SSU72: variants seen among roughly 807,000 people sequenced by gnomAD.
SSU72 encodes the protein RNA polymerase II subunit A C-terminal domain phosphatase SSU72.
In SSU72, 12 loss-of-function variants were observed where a neutral mutation model predicts 22.7. The ratio of observed to expected loss-of-function variants is 0.53; its 90% CI spans 0.34 to 0.86. The LOEUF (loss-of-function observed/expected upper bound fraction) is 0.86. Among genes scored for constraint, SSU72 ranks in the 40% least tolerant of loss-of-function variants. SSU72 has a pLI of 0.02. For synonymous variants in SSU72, 116 were observed against 98.3 expected (o/e 1.18, Z -1.06); for missense variants, 151 against 249.8 (o/e 0.60, Z 2.67).
At chr1:1,558,495 C>G (rs1489234626) in intron 2 of SSU72, among the ~76,000 whole-genome samples, 1 of 152,168 alleles carries the variant, frequency 6.6e-6, no homozygotes, top group Admixed American at 6.5e-5. Context: ...AGCTGCACGG[C>G]CAGACGAGAC....
chr1:1,574,816 G>C lies in SSU72; in HGVS notation c.-259C>G, dbSNP rs528218908. 1.1e-4 allele frequency: 25 copies of C among 227,004 alleles called. No individual in the cohort carries two copies. The highest frequency in any genetic ancestry group is 2.0e-4 in the Non-Finnish European group (23 of 113,292). 14.1% of individuals were successfully genotyped at this position (227,004 alleles called of 1,614,324 possible). On this transcript the variant is annotated 5_prime_UTR_variant, in exon 1 of 5. Transcript: ENST00000291386. ...GCGGCCAACGCCGCGCCGGCCCCCG[G>C]CGTCCGCAGCAGAGACCCGCACTCC...
chr1:1,565,411 C>T (rs992364963), intron 1 of SSU72, among the ~76,000 whole-genome samples: 10 of 152,210 alleles, frequency 6.6e-5, no homozygotes, highest in Non-Finnish European at 1.3e-4. Context: ...CACAAAGCCA[C>T]ATCTGAACAT....
intron 1 of SSU72, among the ~76,000 whole-genome samples, chr1:1,567,448 G>T (rs1049898150): frequency 1.3e-5 from 2 of 152,148 alleles, no homozygotes; most frequent in African/African-American, 4.8e-5. Flanking sequence ...TGAAATAAAC[G>T]TGAAAATGCT....
At chr1:1,556,155 A>G (rs1407256030) in intron 2 of SSU72, among the ~76,000 whole-genome samples, 2 of 150,902 alleles carry the variant, frequency 1.3e-5, no homozygotes, top group African/African-American at 4.9e-5. Context: ...AAGTTTGGCC[A>G]GGCACGGTGG....
At chr1:1,560,014 C>T (rs1376349197) in intron 2 of SSU72, among the ~76,000 whole-genome samples, 1 of 152,142 alleles carries the variant, frequency 6.6e-6, no homozygotes, top group Non-Finnish European at 1.5e-5. Flanking sequence ...CATGTGCCAC[C>T]ATGCCTAGCG....
At chr1:1,552,711 G>A (rs1642467871) in intron 2 of SSU72, among the ~76,000 whole-genome samples, 1 of 152,128 alleles carries the variant, frequency 6.6e-6, no homozygotes, top group South Asian at 2.1e-4. Flanking sequence ...AGGCTTAGTA[G>A]ACTCTCAGAT....
chr1:1,542,775 C>A lies in SSU72; in HGVS notation c.484-608G>T, dbSNP rs1642339162. On this transcript the variant is annotated intron_variant, in intron 4 of 4. Transcript: ENST00000291386. The surrounding 1 kb of genome is among the most constrained non-coding windows in gnomAD (Gnocchi z 4.4). ...CAACGTGACCCAAGCAGAAATCGTG[C>A]AATAACTTCTGGGACGACATTTTCT... 6.6e-6 allele frequency among the ~76,000 whole-genome samples: 1 copy of A among 152,094 alleles called. No individual in the cohort carries two copies. Among genetic ancestry groups the A allele is most frequent in the Non-Finnish European group, 1.5e-5 (1 of 68,018 alleles).
At chr1:1,549,987 A>T (rs925851829) in intron 2 of SSU72, among the ~76,000 whole-genome samples, 5 of 150,522 alleles carry the variant, frequency 3.3e-5, no homozygotes, top group Non-Finnish European at 7.4e-5. Flanking sequence ...AAAAAAAAAA[A>T]AAGATGGCAA....
At chr1:1,574,438 C>T (rs747413867) in intron 1 of SSU72, 40 bp downstream of exon 1, 6 of 1,563,930 alleles carry the variant, frequency 3.8e-6, no homozygotes, top group Admixed American at 3.7e-5. Flanking sequence ...GGGCCGGTCG[C>T]CGGAGCAGAG....
In SSU72 at chr1:1,554,604, ATCCC is replaced by A. The variant is rs1355199465; in HGVS notation, c.225-9606_225-9603del. 6.6e-6 allele frequency among the ~76,000 whole-genome samples: 1 copy of A among 152,090 alleles called. No individual in the cohort carries two copies. The highest frequency in any genetic ancestry group is 2.4e-5 in the African/African-American group (1 of 41,390). ...GGAGTTAGAATGAGCGCAGCTGCCCATCCCACAGGAGAACCGAGAGGCCAGGACC... is the reference window on the plus strand; with the variant it reads ...GGAGTTAGAATGAGCGCAGCTGCCCAACAGGAGAACCGAGAGGCCAGGACC... On this transcript the variant is annotated intron_variant, in intron 2 of 4. Coordinates refer to ENST00000291386, the MANE Select transcript of SSU72 (RefSeq NM_014188.3). This position sits in a 1 kb window ranked among gnomAD's most constrained non-coding sequence, Gnocchi z 4.1.
Position 1,541,870 on chromosome 1 carries a change from T to C in SSU72, c.*196A>G. 1.7e-6 allele frequency: 1 copy of C among 579,238 alleles called. No homozygotes were observed. The allele number at this position is 579,238 out of a possible 1,614,324, so 35.9% of individuals were successfully genotyped here. A position where few individuals can be genotyped will look rare whatever the true frequency, so the allele number is the denominator to read the frequency against. On this transcript the variant is annotated 3_prime_UTR_variant, in exon 5 of 5. Transcript: ENST00000291386. ...AACTTTGTAATCAATATCCTGCTCATAAGTAAAAGTGGAAAAGAAGAAACT... is the reference window on the plus strand; with the variant it reads ...AACTTTGTAATCAATATCCTGCTCACAAGTAAAAGTGGAAAAGAAGAAACT...
chr1:1,574,350 G>A (rs1392208474), intron 1 of SSU72, 128 bp downstream of exon 1: 4 of 981,060 alleles, frequency 4.1e-6, no homozygotes, highest in South Asian at 1.6e-5. Context: ...ATCCCAACCA[G>A]CCGACCCACG....
intron 1 of SSU72, among the ~76,000 whole-genome samples, chr1:1,572,919 A>G (rs1313273396): frequency 6.9e-6 from 1 of 145,146 alleles, no homozygotes; most frequent in East Asian, 2.0e-4. Flanking sequence ...GCTTAAATGT[A>G]TCAAATTTTT....
At chr1:1,556,571 G>A (rs1335250891) in intron 2 of SSU72, among the ~76,000 whole-genome samples, 2 of 152,008 alleles carry the variant, frequency 1.3e-5, no homozygotes, top group South Asian at 2.1e-4. Context: ...TTTTGATAGC[G>A]AATGCTTTTT....
chr1:1,556,291 G>A (rs182365154), intron 2 of SSU72, among the ~76,000 whole-genome samples: 32 of 152,336 alleles, frequency 2.1e-4, no homozygotes, highest in Non-Finnish European at 2.6e-4. Context: ...AATTAGCCAG[G>A]CGTGGTGGCG....
intron 2 of SSU72, among the ~76,000 whole-genome samples, chr1:1,546,774 C>T (rs117505867): frequency 0.067 from 9,528 of 141,752 alleles, 972 homozygotes; most frequent in African/African-American, 0.23. Context: ...ACCCGGGCGG[C>T]GGAGGTTGCA....
chr1:1,542,006 A>G lies in SSU72; in HGVS notation c.*60T>C. On this transcript the variant is annotated 3_prime_UTR_variant, in exon 5 of 5. Coordinates refer to ENST00000291386, the MANE Select transcript of SSU72 (RefSeq NM_014188.3). This position sits in a 1 kb window ranked among gnomAD's most constrained non-coding sequence, Gnocchi z 4.4. Reference sequence around the variant, plus strand: ...ACACCTGTAAGTAAAAACAAATGTCAGGAAGGAAAAAGTATGAACAACAGG... The same window carrying G: ...ACACCTGTAAGTAAAAACAAATGTCGGGAAGGAAAAAGTATGAACAACAGG... 6.7e-7 allele frequency: 1 copy of G among 1,491,462 alleles called. No individual in the cohort carries two copies. Among genetic ancestry groups the G allele is most frequent in the Non-Finnish European group, 9.1e-7 (1 of 1,093,564 alleles). The allele number at this position is 1,491,462 out of a possible 1,614,324, so 92.4% of individuals were successfully genotyped here.
At chr1:1,569,955 T>C (rs1035754320) in intron 1 of SSU72, among the ~76,000 whole-genome samples, 2 of 152,202 alleles carry the variant, frequency 1.3e-5, no homozygotes, top group African/African-American at 4.8e-5. Context: ...TTTTTTCACT[T>C]ACCATAAGCA....
intron 2 of SSU72, among the ~76,000 whole-genome samples, chr1:1,549,151 A>G (rs1240887960): frequency 6.6e-6 from 1 of 152,254 alleles, no homozygotes; most frequent in East Asian, 1.9e-4. Context: ...GTGGGGGACT[A>G]ACCATCAGAG....
Sources: allele counts gnomAD v4.1 joint callset (sites outside exome capture counted in the v4.1 genomes callset), GRCh38; gene constraint gnomAD v4.1.1; non-coding constraint Gnocchi (gnomAD v3.1); transcripts MANE v1.5; gene names NCBI Gene and HGNC (gene_info 2026-07-23, HGNC 2026-07-21).